LRRC4C: variants seen among roughly 807,000 people sequenced by gnomAD.
LRRC4C encodes the protein leucine rich repeat containing 4C.
A neutral mutation model predicts 33.6 loss-of-function variants in LRRC4C; 5 were observed. The ratio of observed to expected loss-of-function variants is 0.15; its 90% CI spans 0.08 to 0.31. The LOEUF is 0.31. LRRC4C is among the 10% of genes least tolerant of loss of function. The probability of loss-of-function intolerance (pLI) is 1.00; values close to 1 mark genes in which losing one functional copy is unlikely to be tolerated. For missense variants in LRRC4C, 560 were observed against 796.7 expected (o/e 0.70, Z 3.58); for synonymous variants, 329 against 302.0 (o/e 1.09, Z -0.93).
At chr11:40,374,359 C>T (rs938797120) in intron 3 of LRRC4C, among the ~76,000 whole-genome samples, 1 of 152,188 alleles carries the variant, frequency 6.6e-6, no homozygotes, top group South Asian at 2.1e-4. Context: ...TCAGATACTG[C>T]GTTAGACTCT....
intron 3 of LRRC4C, among the ~76,000 whole-genome samples, chr11:40,582,513 G>GTTTTT (rs35497785): frequency 4.3e-5 from 5 of 115,604 alleles, no homozygotes; most frequent in African/African-American, 6.5e-5. Flanking sequence ...CCCTTGTTCA[G>GTTTTT]TTTTTTTTTT....
chr11:40,590,123 T>C (rs931390329), intron 3 of LRRC4C, among the ~76,000 whole-genome samples: 21 of 151,752 alleles, frequency 1.4e-4, no homozygotes, highest in South Asian at 2.1e-4. Context: ...ACCAATCAGA[T>C]GTAGATTTGG....
intron 2 of LRRC4C, among the ~76,000 whole-genome samples, chr11:40,737,541 G>A (rs950080108): frequency 3.5e-4 from 53 of 151,436 alleles, no homozygotes; most frequent in African/African-American, 1.1e-3. Context: ...CAAGATCTAC[G>A]TGCGAAAATC....
intron 1 of LRRC4C, among the ~76,000 whole-genome samples, chr11:41,004,388 AG>A (rs1451581741): frequency 6.6e-5 from 10 of 152,156 alleles, no homozygotes; most frequent in Non-Finnish European, 1.5e-4. Context: ...CAACATTATC[AG>A]CATCCATCTT....
rs538804359 is a variant in LRRC4C at position 40,538,790 on chromosome 11, T to A, written c.-270+109352A>T. 2.6e-4 allele frequency among the ~76,000 whole-genome samples: 39 copies of A among 152,272 alleles called. 1 individual carries two copies. The highest frequency in any genetic ancestry group is 1.2e-4 in the Non-Finnish European group (8 of 68,012). ...GTAAAAGTGTTCCTATTTCTCCACG[T>A]CCTCTGCAGCACCTGTTGTTTCCTG... On this transcript the variant is annotated intron_variant, in intron 3 of 6. Transcript: ENST00000528697.
intron 1 of LRRC4C, among the ~76,000 whole-genome samples, chr11:41,297,604 T>C (rs1591189906): frequency 6.6e-6 from 1 of 152,200 alleles, no homozygotes; most frequent in African/African-American, 2.4e-5. Flanking sequence ...CTGCCCTTGC[T>C]GAAGTATTTG....
At chr11:41,451,349 C>CATAGATATAGAT (rs200306680) in intron 1 of LRRC4C, among the ~76,000 whole-genome samples, 69 of 151,820 alleles carry the variant, frequency 4.5e-4, no homozygotes, top group Non-Finnish European at 8.0e-4. Context: ...CATAGACATA[C>CATAGATATAGAT]ATAGATATAG....
intron 1 of LRRC4C, among the ~76,000 whole-genome samples, chr11:41,210,427 T>G (rs559285202): frequency 6.6e-6 from 1 of 152,162 alleles, no homozygotes; most frequent in African/African-American, 2.4e-5. Context: ...CCTGCCACCA[T>G]GTAAGACATG....
At chr11:40,531,111 C>T (rs1327655407) in intron 3 of LRRC4C, among the ~76,000 whole-genome samples, 2 of 152,028 alleles carry the variant, frequency 1.3e-5, no homozygotes, top group Non-Finnish European at 2.9e-5. Flanking sequence ...AGCCAGCTAC[C>T]CTTCTTTCAT....
At chr11:41,067,192 C>T (rs1938312409) in intron 1 of LRRC4C, among the ~76,000 whole-genome samples, 1 of 152,066 alleles carries the variant, frequency 6.6e-6, no homozygotes, top group African/African-American at 2.4e-5. Context: ...CAAAGATACA[C>T]ATGGGCTCAA....
intron 3 of LRRC4C, among the ~76,000 whole-genome samples, chr11:40,618,972 C>A (rs1443314070): frequency 6.6e-6 from 1 of 151,560 alleles, no homozygotes; most frequent in Admixed American, 6.6e-5. Flanking sequence ...ACTCAAAGGT[C>A]CGGGGTTAGT....
chr11:41,264,088 T>C (rs1400028367), intron 1 of LRRC4C, among the ~76,000 whole-genome samples: 2 of 103,636 alleles, frequency 1.9e-5, no homozygotes, highest in Non-Finnish European at 3.6e-5. Context: ...AAATTTCCTT[T>C]TTATTAATTT....
chr11:41,232,280 G>T, intron 1 of LRRC4C, among the ~76,000 whole-genome samples: 1 of 151,886 alleles, frequency 6.6e-6, no homozygotes, highest in East Asian at 1.9e-4. Context: ...TTTAAGATGG[G>T]GTTTCTCAAC....
intron 3 of LRRC4C, among the ~76,000 whole-genome samples, chr11:40,556,797 A>T (rs187277890): frequency 6.6e-6 from 1 of 152,332 alleles, no homozygotes; most frequent in African/African-American, 2.4e-5. Flanking sequence ...CAAGAGATTA[A>T]AAATCAAAAG....
At chr11:40,496,327 CAA>C (rs1463903308) in intron 3 of LRRC4C, among the ~76,000 whole-genome samples, 1 of 152,032 alleles carries the variant, frequency 6.6e-6, no homozygotes, top group African/African-American at 2.4e-5. Flanking sequence ...GTGTAACTAA[CAA>C]AGACTATATA....
intron 1 of LRRC4C, among the ~76,000 whole-genome samples, chr11:41,355,058 C>A (rs1246409444): frequency 6.6e-6 from 1 of 152,072 alleles, no homozygotes; most frequent in Non-Finnish European, 1.5e-5. Flanking sequence ...AAACAGACAA[C>A]CTACAGAATA....
rs949671499 is a variant in LRRC4C at position 40,760,894 on chromosome 11, A to T, written c.-406-112616T>A. Among the ~76,000 whole-genome samples the T allele has an allele frequency of 5.5e-5, 8 of 145,628 alleles. No individual in the cohort carries two copies. The East Asian group carries it at 1.2e-3, about 22-fold the overall frequency. On this transcript the variant is annotated intron_variant, in intron 2 of 6. Transcript: ENST00000528697. The stretch of plus-strand genomic sequence containing the variant: ...ATATTATATATAATATATATATATA[A>T]ATATATATTATATATTTTTTTTGTA...
intron 4 of LRRC4C, among the ~76,000 whole-genome samples, chr11:40,294,611 G>T (rs543850794): frequency 2.2e-4 from 34 of 152,134 alleles, no homozygotes; most frequent in African/African-American, 8.2e-4. Context: ...GGCGGATCAT[G>T]AGGTCAGGAG....
At chr11:40,662,800 A>G (rs1266750883) in intron 2 of LRRC4C, among the ~76,000 whole-genome samples, 1 of 152,214 alleles carries the variant, frequency 6.6e-6, no homozygotes, top group Non-Finnish European at 1.5e-5. Context: ...ATCATTCAAA[A>G]GGGAATCATA....
Sources: gnomAD v4.1 joint callset for allele counts (sites outside exome capture counted in the v4.1 genomes callset) on GRCh38, gnomAD v4.1.1 for gene constraint, MANE v1.5 for transcripts, NCBI Gene and HGNC (gene_info 2026-07-23, HGNC 2026-07-21) for gene names.